The following NEBL variants were observed in gnomAD, a reference collection of about 807,000 sequenced individuals.
NEBL encodes the protein LIM and SH3 protein 2.
Under a neutral mutation model 140.2 loss-of-function variants are expected in NEBL, and 122 were observed. That is an observed-to-expected ratio of 0.87 (90% CI 0.75 to 1.01). NEBL has a LOEUF of 1.01. Among genes scored for constraint, NEBL ranks in the 50% least tolerant of loss-of-function variants. The probability of loss-of-function intolerance (pLI) is 0.00; values close to 1 mark genes in which losing one functional copy is unlikely to be tolerated. For synonymous variants in NEBL, 436 were observed against 398.9 expected (o/e 1.09, Z -1.11); for missense variants, 1,365 against 1,231.3 (o/e 1.11, Z -1.62).
At chr10:20,895,453 G>A (rs746396187) in intron 2 of NEBL, among the ~76,000 whole-genome samples, 17 of 152,138 alleles carry the variant, frequency 1.1e-4, no homozygotes, top group Non-Finnish European at 1.5e-4. Flanking sequence ...CCCAGGCAAG[G>A]TACTGAACCT....
chr10:20,826,215 C>G (rs1412106556), intron 18 of NEBL, among the ~76,000 whole-genome samples: 1 of 152,070 alleles, frequency 6.6e-6, no homozygotes, highest in Non-Finnish European at 1.5e-5. Flanking sequence ...ATTAAAATGA[C>G]CTAGCTCTTC....
intron 3 of NEBL, among the ~76,000 whole-genome samples, chr10:21,015,288 C>T (rs919933647): frequency 2.0e-5 from 3 of 152,178 alleles, no homozygotes; most frequent in Admixed American, 6.5e-5. Flanking sequence ...GCTTCAATCA[C>T]GGTAGCTCCA....
chr10:20,819,306 T>C (rs1024465160), intron 20 of NEBL, 118 bp downstream of exon 20: 56 of 1,469,360 alleles, frequency 3.8e-5, no homozygotes, highest in Middle Eastern at 2.1e-4. Flanking sequence ...TATTATGCAG[T>C]ATTTGGTTTT....
intron 3 of NEBL, among the ~76,000 whole-genome samples, chr10:20,984,306 T>C (rs1837168056): frequency 6.6e-6 from 1 of 152,236 alleles, no homozygotes. Context: ...GTTTCCAAGC[T>C]ATAGGAATAA....
chr10:21,254,870 A>T (rs1842634843), intron 1 of NEBL, among the ~76,000 whole-genome samples: 1 of 152,114 alleles, frequency 6.6e-6, no homozygotes, highest in Non-Finnish European at 1.5e-5. Context: ...CTGGAGACCT[A>T]AATGGACACA....
intron 5 of NEBL, among the ~76,000 whole-genome samples, chr10:20,880,222 G>T (rs1845888712): frequency 6.6e-6 from 1 of 152,082 alleles, no homozygotes; most frequent in African/African-American, 2.4e-5. Flanking sequence ...TTAGGCCGGT[G>T]TGGTGGTGGG....
At chr10:20,928,088 T>C (rs2131524860) in intron 4 of NEBL, among the ~76,000 whole-genome samples, 1 of 152,348 alleles carries the variant, frequency 6.6e-6, no homozygotes, top group Non-Finnish European at 1.5e-5. Flanking sequence ...TGGAATAGTT[T>C]ACATATTTTT....
intron 3 of NEBL, among the ~76,000 whole-genome samples, chr10:21,002,569 T>G (rs1053207124): frequency 6.6e-6 from 1 of 152,210 alleles, no homozygotes; most frequent in African/African-American, 2.4e-5. Context: ...GACAAGAGGT[T>G]TAACTGGCTC....
intron 3 of NEBL, among the ~76,000 whole-genome samples, chr10:20,986,193 A>G (rs929322040): frequency 6.6e-6 from 1 of 152,204 alleles, no homozygotes; most frequent in East Asian, 1.9e-4. Flanking sequence ...AATTAGTACA[A>G]TATAACCAGG....
chr10:20,848,386 T>A (rs902598792), intron 11 of NEBL, among the ~76,000 whole-genome samples: 2 of 152,136 alleles, frequency 1.3e-5, no homozygotes, highest in African/African-American at 4.8e-5. Flanking sequence ...AATAACTAAT[T>A]TAATCAAAAT....
chr10:20,997,902 T>C (rs1226113766), intron 3 of NEBL, among the ~76,000 whole-genome samples: 1 of 152,108 alleles, frequency 6.6e-6, no homozygotes, highest in Non-Finnish European at 1.5e-5. Context: ...AATAATAAAC[T>C]GGCTAAAATC....
In NEBL at chr10:20,826,447, T is replaced by C. The variant is rs1186499187; in HGVS notation, c.1869A>G (p.Ser623=). The change falls in exon 18 of 28, where the codon TCA becomes TCG. Residue 623 remains serine, a splice_region_variant and synonymous_variant. Coordinates refer to ENST00000377122, the MANE Select transcript of NEBL (RefSeq NM_006393.3). ...ATAATTAATGCTGTAGAGAACTTAC[T>C]GAACTAATATTCTGCTGATTTTTCT... ...RVKKNQQNIS[S]VKYKEEIKHA... is the part of the protein sequence containing the mutation. The C allele has an allele frequency of 6.2e-7, 1 of 1,605,570 alleles. No homozygotes were observed. The highest frequency in any genetic ancestry group is 8.5e-7 in the Non-Finnish European group (1 of 1,172,514).
intron 2 of NEBL, chr10:21,126,162 G>A: frequency 6.3e-7 from 1 of 1,580,140 alleles, no homozygotes; most frequent in Non-Finnish European, 8.7e-7. Flanking sequence ...TTCAAGCCTG[G>A]TACCCCCCAT....
At chr10:21,052,114 A>G (rs1192269764) in intron 2 of NEBL, among the ~76,000 whole-genome samples, 1 of 152,236 alleles carries the variant, frequency 6.6e-6, no homozygotes, top group Non-Finnish European at 1.5e-5. Context: ...TACATATCAG[A>G]TAAGAAGGAA....
chr10:20,890,882 C>T (rs749456784), intron 2 of NEBL, among the ~76,000 whole-genome samples: 1 of 152,198 alleles, frequency 6.6e-6, no homozygotes, highest in African/African-American at 2.4e-5. Context: ...TGAGAAGATG[C>T]AGGTAATTTG....
intron 2 of NEBL, among the ~76,000 whole-genome samples, chr10:21,063,697 T>A (rs1210635321): frequency 6.6e-6 from 1 of 151,980 alleles, no homozygotes; most frequent in African/African-American, 2.4e-5. Context: ...AGTCTGAGAC[T>A]GGCCTCAGCA....
chr10:20,872,153 C>T (rs372650384), intron 5 of NEBL, among the ~76,000 whole-genome samples: 18 of 152,094 alleles, frequency 1.2e-4, no homozygotes, highest in East Asian at 1.2e-3. Context: ...TGGTGTTCAG[C>T]CTAATGACTG....
At chr10:21,187,947 ACTCG>A (rs931870203) in intron 3 of NEBL, among the ~76,000 whole-genome samples, 7 of 151,478 alleles carry the variant, frequency 4.6e-5, no homozygotes, top group Non-Finnish European at 1.0e-4. Flanking sequence ...TGGAAGTAAA[ACTCG>A]CTAAGTGTGG....
At chr10:21,002,592 G>A (rs891822790) in intron 3 of NEBL, among the ~76,000 whole-genome samples, 1 of 152,176 alleles carries the variant, frequency 6.6e-6, no homozygotes. Flanking sequence ...AGTTCTGCAG[G>A]CTGTACAGGA....
Sources: allele counts gnomAD v4.1 joint callset (sites outside exome capture counted in the v4.1 genomes callset), GRCh38; gene constraint gnomAD v4.1.1; transcripts MANE v1.5; gene names NCBI Gene and HGNC (gene_info 2026-07-23, HGNC 2026-07-21).